IL34: variants seen among roughly 807,000 people sequenced by gnomAD.
IL34 encodes the protein interleukin-34.
In IL34, 17 loss-of-function variants were observed where a neutral mutation model predicts 25.3. That is an observed-to-expected ratio of 0.67 (90% CI 0.46 to 1.01). The LOEUF (loss-of-function observed/expected upper bound fraction) is 1.01, where lower values mean the gene tolerates loss of function less well. Among genes scored for constraint, IL34 ranks in the 50% least tolerant of loss-of-function variants. IL34 has a pLI of 0.00. For synonymous variants in IL34, 174 were observed against 140.9 expected (o/e 1.23, Z -1.66); for missense variants, 368 against 312.9 (o/e 1.18, Z -1.33).
At chr16:70,612,133 G>C (rs867396595) in intron 1 of IL34, among the ~76,000 whole-genome samples, 1 of 152,244 alleles carries the variant, frequency 6.6e-6, no homozygotes, top group East Asian at 1.9e-4. Flanking sequence ...GCCTCCAACA[G>C]GCCGATAGGG....
At chr16:70,613,711 T>C (rs1597747111) in intron 1 of IL34, among the ~76,000 whole-genome samples, 1 of 151,660 alleles carries the variant, frequency 6.6e-6, no homozygotes, top group South Asian at 2.1e-4. Flanking sequence ...CTATCTCTAC[T>C]AAAAATACAA....
chr16:70,628,396 A>G (rs1319259791), intron 1 of IL34, among the ~76,000 whole-genome samples: 1 of 151,646 alleles, frequency 6.6e-6, no homozygotes, highest in African/African-American at 2.4e-5. Flanking sequence ...TGATAAGTTT[A>G]TTTCTAGGTA....
At chr16:70,656,749 C>A in intron 3 of IL34, 70 bp downstream of exon 3, 3 of 960,670 alleles carry the variant, frequency 3.1e-6, no homozygotes, top group South Asian at 1.3e-5. Context: ...GCCTCAGAGG[C>A]GCGCTGGGAC....
chr16:70,621,799 G>A (rs2051288566), intron 1 of IL34, among the ~76,000 whole-genome samples: 1 of 152,028 alleles, frequency 6.6e-6, no homozygotes, highest in Non-Finnish European at 1.5e-5. Context: ...TTCTCTGGCG[G>A]GCAGGAGTGG....
At position 70,628,076 on chromosome 16, in the gene IL34, A is replaced by T. The variant is rs534746324; in HGVS notation, c.-400-18472A>T. The stretch of plus-strand genomic sequence containing the variant: ...CTTCCAGAAATGTCTGAGAATTCCA[A>T]TTATTCTACATTGTTGCAACACTTG... On this transcript the variant is annotated intron_variant, in intron 1 of 6. Transcript: ENST00000429149. Among the ~76,000 whole-genome samples, 40 of 152,290 alleles carry T rather than the reference A, an allele frequency of 2.6e-4. 1 individual carries two copies. The Middle Eastern group carries it at 0.014, about 52-fold the overall frequency.
At chr16:70,646,504 G>A (rs764681763), upstream of IL34, 2 of 173,140 alleles carry the variant, frequency 1.2e-5, no homozygotes, top group African/African-American at 2.4e-5. Flanking sequence ...GAGTGGCAGC[G>A]CTGCTCTTAC....
At chr16:70,626,266 G>A (rs940045805) in intron 1 of IL34, among the ~76,000 whole-genome samples, 4 of 151,768 alleles carry the variant, frequency 2.6e-5, no homozygotes, top group African/African-American at 9.7e-5. Context: ...TTAATTTTTT[G>A]TTTTAGTATA....
chr16:70,592,088 C>A (rs929142052), intron 1 of IL34, among the ~76,000 whole-genome samples: 3 of 149,828 alleles, frequency 2.0e-5, no homozygotes, highest in Admixed American at 1.3e-4. Context: ...CTACTCCCCC[C>A]ACCACCTGCT....
At chr16:70,652,114 C>A in intron 1 of IL34, among the ~76,000 whole-genome samples, 1 of 148,578 alleles carries the variant, frequency 6.7e-6, no homozygotes, top group African/African-American at 2.5e-5. Context: ...GGTGACAGAG[C>A]GGGACTCCGT....
intron 1 of IL34, among the ~76,000 whole-genome samples, chr16:70,619,615 C>T (rs1443993772): frequency 2.0e-5 from 3 of 151,402 alleles, no homozygotes; most frequent in South Asian, 2.1e-4. Context: ...AGTGGGTAGC[C>T]TCCGTATTGA....
upstream of IL34, among the ~76,000 whole-genome samples, chr16:70,642,784 GA>G (rs1454370564): frequency 6.6e-6 from 1 of 152,122 alleles, no homozygotes; most frequent in Non-Finnish European, 1.5e-5. Flanking sequence ...AATGAACCCT[GA>G]AAACATGCTA....
chr16:70,651,839 G>A (rs1489086251), intron 1 of IL34, among the ~76,000 whole-genome samples: 1 of 151,972 alleles, frequency 6.6e-6, no homozygotes, highest in Non-Finnish European at 1.5e-5. Context: ...CATAAAAAAT[G>A]TCCTGGGTGG....
intron 1 of IL34, among the ~76,000 whole-genome samples, chr16:70,635,601 C>T (rs964140183): frequency 6.6e-6 from 1 of 152,140 alleles, no homozygotes; most frequent in African/African-American, 2.4e-5. Flanking sequence ...GAGCTGTTTC[C>T]AGTGTTCAAG....
At chr16:70,635,206 G>A (rs866257316) in intron 1 of IL34, among the ~76,000 whole-genome samples, 1 of 152,154 alleles carries the variant, frequency 6.6e-6, no homozygotes, top group East Asian at 1.9e-4. Context: ...TACTCTCAAG[G>A]GTAACGTGGA....
intron 1 of IL34, among the ~76,000 whole-genome samples, chr16:70,641,184 A>C (rs775151576): frequency 1.3e-5 from 2 of 152,094 alleles, no homozygotes; most frequent in African/African-American, 2.4e-5. Context: ...TAAGCAGGGG[A>C]ATCACTTGGA....
upstream of IL34, among the ~76,000 whole-genome samples, chr16:70,642,330 C>T (rs1250979739): frequency 1.4e-5 from 2 of 143,000 alleles, no homozygotes; most frequent in African/African-American, 5.2e-5. Flanking sequence ...CGGAGTCTCA[C>T]TCTGTTACCC....
chr16:70,610,826 GC>G (rs1170247131), intron 1 of IL34, among the ~76,000 whole-genome samples: 2 of 152,200 alleles, frequency 1.3e-5, no homozygotes, highest in Non-Finnish European at 2.9e-5. Context: ...GGAAGGAGGG[GC>G]CCCCTCAAGC....
intron 1 of IL34, among the ~76,000 whole-genome samples, chr16:70,597,344 C>G (rs890344019): frequency 1.3e-5 from 2 of 152,120 alleles, no homozygotes; most frequent in Non-Finnish European, 2.9e-5. Context: ...CCTCAGCCTC[C>G]CATGTAGCTG....
At chr16:70,629,750 A>G (rs543786590) in intron 1 of IL34, among the ~76,000 whole-genome samples, 1 of 151,882 alleles carries the variant, frequency 6.6e-6, no homozygotes, top group African/African-American at 2.4e-5. Context: ...GTAGATATAT[A>G]TATTTATGGG....
Sources: gnomAD v4.1 joint callset for allele counts (sites outside exome capture counted in the v4.1 genomes callset) on GRCh38, gnomAD v4.1.1 for gene constraint, MANE v1.5 for transcripts, NCBI Gene and HGNC (gene_info 2026-07-23, HGNC 2026-07-21) for gene names.